Variants in IL34 observed in about 807,000 individuals in gnomAD.
IL34 encodes the protein interleukin 34.
A neutral mutation model predicts 25.3 loss-of-function variants in IL34; 17 were observed. The ratio of observed to expected loss-of-function variants is 0.67; its 90% CI spans 0.46 to 1.01. The LOEUF is 1.01. Among genes scored for constraint, IL34 ranks in the 50% least tolerant of loss-of-function variants. IL34 has a pLI of 0.00. For missense variants in IL34, 368 were observed against 312.9 expected (o/e 1.18, Z -1.33); for synonymous variants, 174 against 140.9 (o/e 1.23, Z -1.66).
intron 5 of IL34, 72 bp from the exon 6 acceptor site, chr16:70,659,925 C>G (rs112385962): frequency 6.7e-7 from 1 of 1,489,224 alleles, no homozygotes; most frequent in Non-Finnish European, 9.0e-7. Context: ...CAAGCACATG[C>G]GGCTTGGCTT....
intron 1 of IL34, among the ~76,000 whole-genome samples, chr16:70,651,989 T>C (rs2052092472): frequency 6.6e-6 from 1 of 151,768 alleles, no homozygotes; most frequent in African/African-American, 2.4e-5. Context: ...TAGCTGGATG[T>C]GGTGGCGCAC....
intron 1 of IL34, chr16:70,654,312 A>G: frequency 2.4e-6 from 1 of 419,270 alleles, no homozygotes; most frequent in Non-Finnish European, 4.2e-6. Context: ...AGTGGCCGGC[A>G]TGGGGTGGGT....
chr16:70,626,326 C>A (rs2051392454), intron 1 of IL34, among the ~76,000 whole-genome samples: 1 of 152,034 alleles, frequency 6.6e-6, no homozygotes. Context: ...TTTATGGTTT[C>A]TGAATGTTTA....
chr16:70,629,871 C>G (rs1217481688), intron 1 of IL34, among the ~76,000 whole-genome samples: 4 of 148,434 alleles, frequency 2.7e-5, no homozygotes, highest in Non-Finnish European at 4.4e-5. Context: ...TTCAGTTATA[C>G]TGTTTCAGTA....
intron 1 of IL34, among the ~76,000 whole-genome samples, chr16:70,596,144 G>A (rs1257997270): frequency 1.3e-5 from 2 of 152,140 alleles, no homozygotes; most frequent in Admixed American, 6.6e-5. Context: ...TGTCCTAGGC[G>A]GCTGTCTTTT....
At chr16:70,593,441 T>C (rs2050779749) in intron 1 of IL34, among the ~76,000 whole-genome samples, 1 of 152,170 alleles carries the variant, frequency 6.6e-6, no homozygotes. Flanking sequence ...AAGTTTCATT[T>C]TGAATAAATT....
At chr16:70,627,995 A>G (rs2051433730) in intron 1 of IL34, among the ~76,000 whole-genome samples, 1 of 152,196 alleles carries the variant, frequency 6.6e-6, no homozygotes, top group Admixed American at 6.5e-5. Flanking sequence ...CACACGTTCA[A>G]TTTCAGAAAA....
Position 70,628,984 on chromosome 16 carries a change from C to G in IL34, c.-400-17564C>G, listed in dbSNP as rs560281291. On this transcript the variant is annotated intron_variant, in intron 1 of 6. Transcript: ENST00000429149. ...TGTATTTTTAATGTATAGACAGGGT[C>G]TTGGTATGTTGCCCAGGCTGGTCTC... Among the ~76,000 whole-genome samples, 16 of 152,098 alleles carry G rather than the reference C, an allele frequency of 1.1e-4. No individual in the cohort carries two copies. In the East Asian group the frequency reaches 3.1e-3, roughly 29 times the overall value.
intron 1 of IL34, among the ~76,000 whole-genome samples, chr16:70,629,974 A>T (rs768603734): frequency 3.3e-5 from 5 of 152,222 alleles, no homozygotes; most frequent in Non-Finnish European, 7.3e-5. Flanking sequence ...TTTTTGTACC[A>T]ACCAACCATC....
At chr16:70,629,249 T>C (rs2051464194) in intron 1 of IL34, among the ~76,000 whole-genome samples, 1 of 152,242 alleles carries the variant, frequency 6.6e-6, no homozygotes. Context: ...GTAGTGAGCA[T>C]ACTTGTATTG....
chr16:70,639,681 G>A (rs141337795), intron 1 of IL34, among the ~76,000 whole-genome samples: 82 of 152,282 alleles, frequency 5.4e-4, no homozygotes, highest in Middle Eastern at 3.4e-3. Context: ...GAGTCCAGGC[G>A]TGGTGACTCA....
chr16:70,587,370 C>T (rs915064945), intron 1 of IL34, among the ~76,000 whole-genome samples: 4 of 151,996 alleles, frequency 2.6e-5, no homozygotes, highest in Admixed American at 6.6e-5. Flanking sequence ...CCCGGGTTCA[C>T]GCCATTCTCC....
At chr16:70,644,936 A>G (rs117213714), upstream of IL34, among the ~76,000 whole-genome samples, 5 of 43,744 alleles carry the variant, frequency 1.1e-4, no homozygotes, top group African/African-American at 2.0e-4. Flanking sequence ...GGAAGGAGGA[A>G]GAGGAGGAAG....
intron 1 of IL34, among the ~76,000 whole-genome samples, chr16:70,632,131 A>G (rs2051534011): frequency 6.6e-6 from 1 of 150,998 alleles, no homozygotes; most frequent in South Asian, 2.1e-4. Flanking sequence ...AGAAGATAAT[A>G]GTTCCCAACT....
chr16:70,602,407 C>T (rs1054173716), intron 1 of IL34, among the ~76,000 whole-genome samples: 36 of 152,218 alleles, frequency 2.4e-4, no homozygotes, highest in African/African-American at 7.5e-4. Context: ...GTGGCTCATG[C>T]CTGTGGTCCC....
In IL34 at chr16:70,629,580, G is replaced by A. The variant is rs140308148; in HGVS notation, c.-400-16968G>A. Among the ~76,000 whole-genome samples the A allele has an allele frequency of 1.2e-3, 182 of 152,076 alleles. 1 individual carries two copies. Among genetic ancestry groups the A allele is most frequent in the East Asian group, 5.6e-3 (29 of 5,180 alleles). On this transcript the variant is annotated intron_variant, in intron 1 of 6. Transcript: ENST00000429149. ...TTATCTCTAAATTACTTATAATAACGAATACAATGTAGATACTGTATAAAT... is the reference window on the plus strand; with the variant it reads ...TTATCTCTAAATTACTTATAATAACAAATACAATGTAGATACTGTATAAAT...
chr16:70,624,307 G>T (rs188040656), intron 1 of IL34, among the ~76,000 whole-genome samples: 3,160 of 152,086 alleles, frequency 0.021, 137 homozygotes, highest in African/African-American at 0.07. Flanking sequence ...GCATTTGGAA[G>T]TTCTTGTGTG....
chr16:70,652,106 T>C (rs12596070), intron 1 of IL34, among the ~76,000 whole-genome samples: 42,506 of 149,774 alleles, frequency 0.28, 6,360 homozygotes, highest in South Asian at 0.44. Flanking sequence ...CCAGCCTGGG[T>C]GACAGAGCGG....
intron 1 of IL34, among the ~76,000 whole-genome samples, chr16:70,620,004 G>C (rs995408013): frequency 2.8e-4 from 42 of 151,938 alleles, no homozygotes; most frequent in African/African-American, 7.0e-4. Context: ...TTGTGTGCTG[G>C]AGATGTGGCT....
Sources: gnomAD v4.1 joint callset for allele counts (sites outside exome capture counted in the v4.1 genomes callset) on GRCh38, gnomAD v4.1.1 for gene constraint, MANE v1.5 for transcripts, NCBI Gene and HGNC (gene_info 2026-07-23, HGNC 2026-07-21) for gene names.